PARD3B: variants seen among roughly 807,000 people sequenced by gnomAD.
PARD3B encodes the protein partitioning defective 3 homolog B.
PARD3B carries 103 observed loss-of-function variants against 130.2 expected under a neutral mutation model. The observed-to-expected ratio is 0.79, with a 90% CI of 0.67 to 0.93. PARD3B has a LOEUF of 0.93. Ranked by LOEUF, PARD3B falls within the 40% of genes least tolerant of loss-of-function variation. The pLI is 0.00. For missense variants in PARD3B, 1,609 were observed against 1,499.2 expected, an observed-to-expected ratio of 1.07 and a Z score of -1.21; for synonymous variants, 583 against 553.2, an observed-to-expected ratio of 1.05 and a Z score of -0.76.
chr2:205,325,497 A>G lies in PARD3B; in HGVS notation c.2630+23796A>G, dbSNP rs532804550. ...CTCTCCACACTCAGTACTGATAAAG[A>G]TAGTTTACTAATATCATCTCATTGT... On this transcript the variant is annotated intron_variant, in intron 18 of 22. Coordinates refer to ENST00000406610, the MANE Select transcript of PARD3B (RefSeq NM_001302769.2). This position sits in a 1 kb window ranked among gnomAD's most constrained non-coding sequence, Gnocchi z 4.1. Among the ~76,000 whole-genome samples, 1 of 147,804 alleles carries G rather than the reference A, an allele frequency of 6.8e-6. No homozygotes were observed. The highest frequency in any genetic ancestry group is 1.5e-5 in the Non-Finnish European group (1 of 67,168).
chr2:204,760,118 T>G (rs1202004916), intron 2 of PARD3B, among the ~76,000 whole-genome samples: 1 of 152,094 alleles, frequency 6.6e-6, no homozygotes, highest in Non-Finnish European at 1.5e-5. Flanking sequence ...ATATGTTTTT[T>G]AATTAGTTTA....
chr2:204,551,671 C>T (rs758525301), intron 1 of PARD3B, among the ~76,000 whole-genome samples: 1 of 152,090 alleles, frequency 6.6e-6, no homozygotes, highest in South Asian at 2.1e-4. Context: ...TTGCCCTGTG[C>T]GCGATTGGGA....
At position 205,397,263 on chromosome 2, in the gene PARD3B, A is replaced by C. The variant is rs2046065655; in HGVS notation, c.2631-3750A>C. On this transcript the variant is annotated intron_variant, in intron 18 of 22. Transcript: ENST00000406610. The surrounding 1 kb of genome is among the most constrained non-coding windows in gnomAD (Gnocchi z 4.8). The stretch of plus-strand genomic sequence containing the variant: ...ATCATTTTCTCTGGCTAATAAAATA[A>C]ATTTCACATGTATTTCTGCCCTTCT... 6.6e-6 allele frequency among the ~76,000 whole-genome samples: 1 copy of C among 152,244 alleles called. No individual in the cohort carries two copies. Among genetic ancestry groups the C allele is most frequent in the South Asian group, 2.1e-4 (1 of 4,834 alleles).
rs2046444314 is a variant in PARD3B, at chr2:205,407,282, G to T, written c.2741+6159G>T. 6.6e-6 allele frequency among the ~76,000 whole-genome samples: 1 copy of T among 152,056 alleles called. No homozygotes were observed. The highest frequency in any genetic ancestry group is 1.5e-5 in the Non-Finnish European group (1 of 68,018). On this transcript the variant is annotated intron_variant, in intron 19 of 22. Coordinates refer to ENST00000406610, the MANE Select transcript of PARD3B (RefSeq NM_001302769.2). This position sits in a 1 kb window ranked among gnomAD's most constrained non-coding sequence, Gnocchi z 4.1. Reference sequence around the variant, plus strand: ...AAACAGTCTATTGCAATGAAGCCCTGCATTAAATAAACTCATCATTTTGTT... The same window carrying T: ...AAACAGTCTATTGCAATGAAGCCCTTCATTAAATAAACTCATCATTTTGTT...
intron 18 of PARD3B, among the ~76,000 whole-genome samples, chr2:205,329,779 T>C (rs554723842): frequency 6.6e-6 from 1 of 152,094 alleles, no homozygotes; most frequent in Admixed American, 6.5e-5. Flanking sequence ...TCACCTGAGG[T>C]CAGGAGTTCG....
intron 1 of PARD3B, among the ~76,000 whole-genome samples, chr2:204,582,511 C>T (rs950093341): frequency 1.3e-5 from 2 of 152,076 alleles, no homozygotes; most frequent in East Asian, 1.9e-4. Flanking sequence ...GTTCCCCCCC[C>T]TCATTTCACA....
intron 2 of PARD3B, among the ~76,000 whole-genome samples, chr2:204,777,676 G>A (rs1047768978): frequency 2.0e-5 from 3 of 152,078 alleles, no homozygotes; most frequent in East Asian, 1.9e-4. Flanking sequence ...AGCTGAAGTC[G>A]GAGGATCACT....
chr2:205,178,061 T>C (rs930713050), intron 13 of PARD3B, among the ~76,000 whole-genome samples: 1 of 140,694 alleles, frequency 7.1e-6, no homozygotes, highest in Non-Finnish European at 1.5e-5. Context: ...ATCCCAGCAC[T>C]TTGGGAGGCC....
intron 3 of PARD3B, among the ~76,000 whole-genome samples, chr2:205,030,527 C>G (rs1166299143): frequency 6.6e-6 from 1 of 152,056 alleles, no homozygotes; most frequent in Non-Finnish European, 1.5e-5. Flanking sequence ...ATATAGGGAA[C>G]TTAACGTTTC....
At chr2:205,455,925 A>AG (rs2048259411) in intron 20 of PARD3B, among the ~76,000 whole-genome samples, 1 of 152,040 alleles carries the variant, frequency 6.6e-6, no homozygotes, top group Non-Finnish European at 1.5e-5. Context: ...CATCCCTCAT[A>AG]CTACTCCTTT....
chr2:205,346,862 A>G (rs999250334), intron 18 of PARD3B, among the ~76,000 whole-genome samples: 1 of 152,094 alleles, frequency 6.6e-6, no homozygotes, highest in Non-Finnish European at 1.5e-5. Flanking sequence ...CCTTCAGTTC[A>G]TGCATATGGG....
intron 14 of PARD3B, among the ~76,000 whole-genome samples, chr2:205,186,435 G>C (rs532622115): frequency 1.2e-4 from 19 of 152,216 alleles, no homozygotes; most frequent in Middle Eastern, 3.4e-3. Context: ...TATTTGACAA[G>C]GGGAATTCAT....
rs942566572 is a variant in PARD3B, at chr2:205,146,883, T to C, written c.1435-11839T>C. ...GCTGGGATTATAGGACCCGGCTAAT[T>C]TTTTGTATTTTTAGTAGGAATGGGG... On this transcript the variant is annotated intron_variant, in intron 10 of 22. Coordinates refer to ENST00000406610, the MANE Select transcript of PARD3B (RefSeq NM_001302769.2). This position sits in a 1 kb window ranked among gnomAD's most constrained non-coding sequence, Gnocchi z 4.3. 6.6e-6 allele frequency among the ~76,000 whole-genome samples: 1 copy of C among 151,694 alleles called. No homozygotes were observed. The highest frequency in any genetic ancestry group is 1.5e-5 in the Non-Finnish European group (1 of 67,914).
chr2:204,759,085 C>T (rs1047568684), intron 2 of PARD3B, among the ~76,000 whole-genome samples: 3 of 152,138 alleles, frequency 2.0e-5, no homozygotes, highest in African/African-American at 7.2e-5. Flanking sequence ...AGCTATCAGG[C>T]ACTTTTTCCT....
chr2:204,697,170 C>G (rs572524197), intron 2 of PARD3B, among the ~76,000 whole-genome samples: 78 of 152,170 alleles, frequency 5.1e-4, no homozygotes, highest in African/African-American at 1.8e-3. Flanking sequence ...AGTGTGGCCA[C>G]TGTATACCAG....
chr2:204,688,409 C>T (rs2125247829), intron 2 of PARD3B, among the ~76,000 whole-genome samples: 1 of 151,886 alleles, frequency 6.6e-6, no homozygotes, highest in East Asian at 1.9e-4. Flanking sequence ...GAAACCCCAT[C>T]TCTACTAAAA....
chr2:205,105,505 T>C lies in PARD3B; in HGVS notation c.593+991T>C. ...TTAGTCCAAACAATTAACATGAAAT[T>C]AGCTTTTTAAAAACATAGGTCATCA... On this transcript the variant is annotated intron_variant, in intron 5 of 22. Transcript: ENST00000406610. The surrounding 1 kb of genome is among the most constrained non-coding windows in gnomAD (Gnocchi z 4.0). Among the ~76,000 whole-genome samples, 1 of 152,206 alleles carries C rather than the reference T, an allele frequency of 6.6e-6. No individual in the cohort carries two copies.
intron 19 of PARD3B, among the ~76,000 whole-genome samples, chr2:205,410,518 C>T (rs2046560963): frequency 1.3e-5 from 2 of 151,926 alleles, no homozygotes; most frequent in African/African-American, 4.8e-5. Flanking sequence ...CTTAAAGGCC[C>T]CAGTTTCCTA....
chr2:204,859,198 T>C (rs1290903337), intron 2 of PARD3B, among the ~76,000 whole-genome samples: 1 of 152,170 alleles, frequency 6.6e-6, no homozygotes, highest in African/African-American at 2.4e-5. Context: ...TGCATAATGA[T>C]AGGTATGATG....
Sources: allele counts gnomAD v4.1 joint callset (sites outside exome capture counted in the v4.1 genomes callset), GRCh38; gene constraint gnomAD v4.1.1; non-coding constraint Gnocchi (gnomAD v3.1); transcripts MANE v1.5; gene names NCBI Gene and HGNC (gene_info 2026-07-23, HGNC 2026-07-21).